The following STK3 variants were observed in gnomAD, a reference collection of about 807,000 sequenced individuals.
STK3 encodes serine/threonine kinase 3.
A neutral mutation model predicts 58.0 loss-of-function variants in STK3; 41 were observed. The ratio of observed to expected loss-of-function variants is 0.71; its 90% confidence interval spans 0.55 to 0.92. The LOEUF (loss-of-function observed/expected upper bound fraction) is 0.92, where lower values mean the gene tolerates loss of function less well. STK3 is among the 40% of genes least tolerant of loss of function. STK3 has a pLI of 0.00. For synonymous variants in STK3, 170 were observed against 191.0 expected (o/e 0.89, Z 0.91); for missense variants, 479 against 602.7 (o/e 0.79, Z 2.15).
At chr8:98,923,305 G>A (rs551360074) in intron 1 of STK3, among the ~76,000 whole-genome samples, 7 of 152,098 alleles carry the variant, frequency 4.6e-5, no homozygotes, top group Admixed American at 1.3e-4. Flanking sequence ...TTCCTTTCAC[G>A]CTGTTCTTCA....
At chr8:98,672,360 C>A (rs1822897092) in intron 6 of STK3, among the ~76,000 whole-genome samples, 1 of 152,110 alleles carries the variant, frequency 6.6e-6, no homozygotes, top group African/African-American at 2.4e-5. Flanking sequence ...CCAGCCTGGG[C>A]AACAGAGAGA....
rs1835205097 is a variant in STK3, at chr8:98,825,537, C to G, written c.4G>C (p.Glu2Gln). 4 of 1,457,418 alleles carry G rather than the reference C, an allele frequency of 2.7e-6. No homozygotes were observed. Among genetic ancestry groups the G allele is most frequent in the Non-Finnish European group, 3.6e-6 (4 of 1,099,872 alleles). 90.3% of individuals were successfully genotyped at this position (1,457,418 alleles called of 1,614,324 possible). A position where few individuals can be genotyped will look rare whatever the true frequency, so the allele number is the denominator to read the frequency against. The change falls in exon 1 of 11, where the codon GAG becomes CAG. Residue 2 changes from glutamate to glutamine, a missense_variant. Physicochemically the swap from Glu to Gln is conservative, Grantham distance 29. This residue lies in a region of STK3 where 44 missense variants were observed against 37.0 expected (regional missense o/e 1.19). Coordinates refer to ENST00000419617, the MANE Select transcript of STK3 (RefSeq NM_006281.4). Reference sequence around the variant, plus strand: ...TACCTCTTAGGCGCCGGCGGCTGCTCCATGGCGGCCGGGGACAGAGAGAGG... The same window carrying G: ...TACCTCTTAGGCGCCGGCGGCTGCTGCATGGCGGCCGGGGACAGAGAGAGG... The part of the protein sequence containing the change: M[E>Q]QPPAPKSKLK...
chr8:98,805,383 T>C (rs1833833265), intron 1 of STK3, among the ~76,000 whole-genome samples: 1 of 152,098 alleles, frequency 6.6e-6, no homozygotes, highest in Non-Finnish European at 1.5e-5. Context: ...AGTTCCAGCC[T>C]GGCCAAAATG....
At chr8:98,466,553 G>T (rs1820476819) in intron 10 of STK3, among the ~76,000 whole-genome samples, 1 of 152,138 alleles carries the variant, frequency 6.6e-6, no homozygotes, top group Non-Finnish European at 1.5e-5. Context: ...TCTATATCTA[G>T]AACCTTCTCG....
At chr8:98,642,074 T>G (rs1242386548) in intron 6 of STK3, among the ~76,000 whole-genome samples, 1 of 152,174 alleles carries the variant, frequency 6.6e-6, no homozygotes, top group Non-Finnish European at 1.5e-5. Flanking sequence ...AAAATTAACT[T>G]GTATACACTT....
chr8:98,355,243 T>G, the STK3 span, among the ~76,000 whole-genome samples: 1 of 152,224 alleles, frequency 6.6e-6, no homozygotes, highest in East Asian at 1.9e-4. Flanking sequence ...TGTGCTAAGA[T>G]GAGGCTGGAA....
intron 3 of STK3, among the ~76,000 whole-genome samples, chr8:98,420,745 G>C (rs1364063617): frequency 2.0e-5 from 3 of 152,200 alleles, no homozygotes; most frequent in African/African-American, 7.2e-5. Context: ...ACCCAAGTGA[G>C]GGCAAGAGGC....
At chr8:98,514,993 C>T (rs914979448) in intron 10 of STK3, among the ~76,000 whole-genome samples, 2 of 152,084 alleles carry the variant, frequency 1.3e-5, no homozygotes, top group African/African-American at 4.8e-5. Flanking sequence ...TTCTTCTTCA[C>T]CCTAATCCTC....
chr8:98,471,368 T>C (rs531474754), intron 10 of STK3, among the ~76,000 whole-genome samples: 1 of 151,178 alleles, frequency 6.6e-6, no homozygotes, highest in South Asian at 2.1e-4. Flanking sequence ...TTTTTTTTTT[T>C]TTTTTAATGC....
intron 6 of STK3, among the ~76,000 whole-genome samples, chr8:98,703,535 T>C (rs1825760460): frequency 6.6e-6 from 1 of 152,182 alleles, no homozygotes; most frequent in African/African-American, 2.4e-5. Context: ...CTGTTTAGGG[T>C]AGGGCTCCCC....
rs147224896 is a variant in STK3, at chr8:98,680,182, T to C, written c.684+26285A>G. 1.3e-3 allele frequency among the ~76,000 whole-genome samples: 201 copies of C among 152,256 alleles called. 1 individual carries two copies. Among genetic ancestry groups the C allele is most frequent in the Non-Finnish European group, 1.9e-3 (132 of 68,012 alleles). On this transcript the variant is annotated intron_variant, in intron 6 of 10. Coordinates refer to ENST00000419617, the MANE Select transcript of STK3 (RefSeq NM_006281.4). The stretch of plus-strand genomic sequence containing the variant: ...ATCTGAAAGATCTTTGGATCTTTTA[T>C]AAACATCAATCAATGCTGTGCAGAC...
intron 10 of STK3, among the ~76,000 whole-genome samples, chr8:98,515,631 T>C (rs964349172): frequency 5.3e-5 from 8 of 152,092 alleles, no homozygotes; most frequent in Non-Finnish European, 8.8e-5. Flanking sequence ...CATTGTTAAA[T>C]AGTACAAAGT....
intron 1 of STK3, 108 bp downstream of exon 1, chr8:98,825,407 G>A (rs1358280921): frequency 1.1e-5 from 12 of 1,078,998 alleles, no homozygotes; most frequent in Non-Finnish European, 1.4e-5. Context: ...CGCCCGGCTC[G>A]GGGCCCGGCG....
chr8:98,522,111 G>A (rs1825408850), intron 10 of STK3, among the ~76,000 whole-genome samples: 1 of 152,070 alleles, frequency 6.6e-6, no homozygotes, highest in Non-Finnish European at 1.5e-5. Flanking sequence ...TCTATGAGGG[G>A]CTAAAAATGT....
intron 1 of STK3, among the ~76,000 whole-genome samples, chr8:98,801,534 G>A (rs1027950061): frequency 4.0e-5 from 6 of 151,876 alleles, no homozygotes; most frequent in Admixed American, 2.0e-4. Flanking sequence ...TGAACCCACC[G>A]GGAGGAATGA....
At chr8:98,365,999 G>A in the STK3 span, among the ~76,000 whole-genome samples, 3 of 152,040 alleles carry the variant, frequency 2.0e-5, no homozygotes, top group African/African-American at 7.2e-5. Flanking sequence ...ACATGTACAG[G>A]AATTTCCCTA....
At chr8:98,833,176 T>C (rs1373504739) in intron 3 of STK3, among the ~76,000 whole-genome samples, 31 of 152,132 alleles carry the variant, frequency 2.0e-4, no homozygotes, top group Admixed American at 2.0e-3. Context: ...AAAGTTTATA[T>C]TGGTGTGGCC....
At chr8:98,429,408 C>T (rs778272599) in intron 3 of STK3, 13 of 1,604,572 alleles carry the variant, frequency 8.1e-6, no homozygotes, top group African/African-American at 2.7e-5. Flanking sequence ...TGATTCCCTA[C>T]GTTAGCCGGG....
chr8:98,721,062 A>C, intron 4 of STK3: 1 of 981,406 alleles, frequency 1.0e-6, no homozygotes, highest in Non-Finnish European at 1.2e-6. Context: ...TTGTAGAAGT[A>C]AGCACACTCA....
Sources: allele counts gnomAD v4.1 joint callset (sites outside exome capture counted in the v4.1 genomes callset), GRCh38; gene constraint gnomAD v4.1.1; regional missense constraint gnomAD v4.1.1; transcripts MANE v1.5; gene names NCBI Gene and HGNC (gene_info 2026-07-23, HGNC 2026-07-21).